The following RYR2 variants were observed in gnomAD, a reference collection of about 807,000 sequenced individuals.
RYR2 encodes the protein cardiac muscle ryanodine receptor-calcium release channel.
RYR2 carries 227 observed loss-of-function variants against 601.1 expected under a neutral mutation model. That is an observed-to-expected ratio of 0.38 (90% CI 0.34 to 0.42). RYR2 has a LOEUF of 0.42. Ranked by LOEUF, RYR2 falls within the 10% of genes least tolerant of loss-of-function variation. RYR2 has a pLI of 1.00. For missense variants in RYR2, 4,646 were observed against 6,156.5 expected (o/e 0.75, Z 8.21); for synonymous variants, 2,223 against 2,175.1 (o/e 1.02, Z -0.61).
At chr1:237,726,962 A>G in intron 75 of RYR2, 125 bp from the exon 76 acceptor site, 1 of 588,656 alleles carries the variant, frequency 1.7e-6, no homozygotes, top group Non-Finnish European at 3.1e-6. Flanking sequence ...AATTCCAAAT[A>G]TAGATTACTT....
In RYR2 at chr1:237,809,043, C is replaced by T; in HGVS notation, c.14433+8C>T. The T allele has an allele frequency of 1.2e-6, 2 of 1,611,066 alleles. No homozygotes were observed. The highest frequency in any genetic ancestry group is 1.7e-6 in the Non-Finnish European group (2 of 1,178,118). Reference sequence around the variant, plus strand: ...TGTGACGATATGCTAACAGTAAGTTCATAACCTTTGATCTCACATAAACAA... The same window carrying T: ...TGTGACGATATGCTAACAGTAAGTTTATAACCTTTGATCTCACATAAACAA... On this transcript the variant is annotated splice_region_variant and intron_variant, in intron 100 of 104. Transcript: ENST00000366574.
At chr1:237,245,983 T>C (rs567269625) in intron 1 of RYR2, among the ~76,000 whole-genome samples, 2 of 152,340 alleles carry the variant, frequency 1.3e-5, no homozygotes, top group South Asian at 2.1e-4. Flanking sequence ...GGTTTCCCCA[T>C]GTTGACCTGG....
chr1:237,549,974 G>A (rs1323794924), intron 26 of RYR2, among the ~76,000 whole-genome samples: 5 of 152,118 alleles, frequency 3.3e-5, no homozygotes, highest in Admixed American at 6.5e-5. Flanking sequence ...GGAGCCTCTC[G>A]TACAATAGAC....
intron 102 of RYR2, chr1:237,830,023 C>T (rs1484060177): frequency 1.9e-5 from 3 of 154,274 alleles, no homozygotes; most frequent in African/African-American, 4.8e-5. Context: ...ACCTGGAAGA[C>T]CCTTGCTAAA....
rs144782140 is a variant in RYR2, at chr1:237,356,899, C to T, written c.294+914C>T. On this transcript the variant is annotated intron_variant, in intron 4 of 104. Coordinates refer to ENST00000366574, the MANE Select transcript of RYR2 (RefSeq NM_001035.3). ...TTGCTCTGTGACTTATATGAAGAAT[C>T]CTTTAAGATTGACTTAACTGATGGC... 8.0e-3 allele frequency among the ~76,000 whole-genome samples: 1,212 copies of T among 152,180 alleles called. 16 individuals are homozygous for T. The highest frequency in any genetic ancestry group is 0.028 in the African/African-American group (1,149 of 41,530).
At chr1:237,387,739 C>T (rs1439242044) in intron 9 of RYR2, among the ~76,000 whole-genome samples, 2 of 152,094 alleles carry the variant, frequency 1.3e-5, no homozygotes, top group Non-Finnish European at 2.9e-5. Flanking sequence ...AGCTGGAATA[C>T]GAATTTTACA....
intron 1 of RYR2, among the ~76,000 whole-genome samples, chr1:237,098,776 G>A (rs1474940535): frequency 1.3e-5 from 2 of 152,174 alleles, no homozygotes; most frequent in African/African-American, 4.8e-5. Flanking sequence ...TGGTGGAAAG[G>A]GAAATGAAGA....
chr1:237,601,505 G>T (rs143534885), intron 34 of RYR2, among the ~76,000 whole-genome samples: 2 of 152,144 alleles, frequency 1.3e-5, no homozygotes, highest in Non-Finnish European at 2.9e-5. Context: ...AAGAATAAGC[G>T]CTGGTGTCCT....
intron 3 of RYR2, among the ~76,000 whole-genome samples, chr1:237,341,144 ATTATT>A (rs1009724341): frequency 6.6e-6 from 1 of 152,202 alleles, no homozygotes; most frequent in African/African-American, 2.4e-5. Flanking sequence ...AAATGTATAG[ATTATT>A]TTATTTGATT....
chr1:237,660,928 G>A lies in RYR2; in HGVS notation c.8417G>A (p.Arg2806His), dbSNP rs955927781. ...ATGGCCCTTTACAACCGGACTCGTC[G>A]TATTTCTCAGACAAGCCAGGTAAGA... ...DSMALYNRTR[R>H]ISQTSQVSVD... Residue 2806 changes from arginine to histidine, a missense_variant, in exon 56 of 105, where the codon CGT (arginine) becomes CAT (histidine). Arg to His is a conservative substitution (Grantham distance 29, BLOSUM62 0). Coordinates refer to ENST00000366574, the MANE Select transcript of RYR2 (RefSeq NM_001035.3). 8 of 1,442,440 alleles carry A rather than the reference G, an allele frequency of 5.5e-6. No homozygotes were observed. Among genetic ancestry groups the A allele is most frequent in the African/African-American group, 1.4e-5 (1 of 69,720 alleles). 89.4% of individuals were successfully genotyped at this position (1,442,440 alleles called of 1,614,324 possible). A position where few individuals can be genotyped will look rare whatever the true frequency, so the allele number is the denominator to read the frequency against.
intron 35 of RYR2, among the ~76,000 whole-genome samples, chr1:237,603,320 G>A (rs1272501940): frequency 2.0e-5 from 3 of 152,048 alleles, no homozygotes; most frequent in Admixed American, 2.0e-4. Flanking sequence ...TAGAATAAGT[G>A]GGAGGCCCCT....
chr1:237,125,984 C>T (rs1671365570), intron 1 of RYR2, among the ~76,000 whole-genome samples: 1 of 152,216 alleles, frequency 6.6e-6, no homozygotes, highest in Admixed American at 6.5e-5. Flanking sequence ...CGCCTATAAT[C>T]CCAACACTTT....
chr1:237,581,432 T>C (rs374194051), intron 29 of RYR2, among the ~76,000 whole-genome samples: 3 of 152,272 alleles, frequency 2.0e-5, no homozygotes, highest in African/African-American at 7.2e-5. Flanking sequence ...AAAACCAGAT[T>C]ATTTTTGTAA....
chr1:237,704,023 A>G (rs1688169074), intron 66 of RYR2, among the ~76,000 whole-genome samples: 2 of 152,128 alleles, frequency 1.3e-5, no homozygotes, highest in Non-Finnish European at 2.9e-5. Context: ...CCTATGAATA[A>G]TCACACAATT....
At chr1:237,459,703 T>A (rs1216799847) in intron 16 of RYR2, among the ~76,000 whole-genome samples, 1 of 152,168 alleles carries the variant, frequency 6.6e-6, no homozygotes, top group African/African-American at 2.4e-5. Context: ...AATCCTCCCT[T>A]TACCTCCACA....
At chr1:237,635,611 T>A (rs1381806761) in intron 44 of RYR2, among the ~76,000 whole-genome samples, 1 of 152,168 alleles carries the variant, frequency 6.6e-6, no homozygotes, top group Non-Finnish European at 1.5e-5. Flanking sequence ...TTTTTTTTCC[T>A]TGCTCACCTG....
chr1:237,509,516 G>A (rs776294142), intron 23 of RYR2, among the ~76,000 whole-genome samples: 1 of 152,170 alleles, frequency 6.6e-6, no homozygotes, highest in Non-Finnish European at 1.5e-5. Context: ...TATTTCCCAG[G>A]AGTATGGTGC....
chr1:237,292,376 G>A (rs543863786), intron 2 of RYR2, among the ~76,000 whole-genome samples: 1 of 152,254 alleles, frequency 6.6e-6, no homozygotes, highest in Non-Finnish European at 1.5e-5. Context: ...ATATATAAAT[G>A]TGTGTACAGG....
At chr1:237,141,424 C>T (rs1441560117) in intron 1 of RYR2, among the ~76,000 whole-genome samples, 1 of 152,136 alleles carries the variant, frequency 6.6e-6, no homozygotes, top group Non-Finnish European at 1.5e-5. Flanking sequence ...CCTCTGAGAT[C>T]TTCCTAATGA....
Sources: gnomAD v4.1 joint callset for allele counts (sites outside exome capture counted in the v4.1 genomes callset) on GRCh38, gnomAD v4.1.1 for gene constraint, MANE v1.5 for transcripts, NCBI Gene and HGNC (gene_info 2026-07-23, HGNC 2026-07-21) for gene names.